The following ZPBP variants were observed in gnomAD, a reference collection of about 807,000 sequenced individuals.
ZPBP encodes zona pellucida-binding protein 1.
A neutral mutation model predicts 44.8 loss-of-function variants in ZPBP; 26 were observed. The observed-to-expected ratio is 0.58, with a 90% confidence interval of 0.43 to 0.81. The LOEUF (loss-of-function observed/expected upper bound fraction) is 0.81. ZPBP is among the 30% of genes least tolerant of loss of function. The probability of loss-of-function intolerance (pLI) is 0.00; values close to 1 mark genes in which losing one functional copy is unlikely to be tolerated. For missense variants in ZPBP, 409 were observed against 434.0 expected, an observed-to-expected ratio of 0.94 and a Z score of 0.51; for synonymous variants, 174 against 153.2, an observed-to-expected ratio of 1.14 and a Z score of -1.00.
Position 50,089,635 on chromosome 7 carries a change from A to C in ZPBP, c.202T>G (p.Phe68Val). 1.2e-6 allele frequency: 2 copies of C among 1,607,696 alleles called. No homozygotes were observed. Among genetic ancestry groups the C allele is most frequent in the Non-Finnish European group, 1.7e-6 (2 of 1,176,206 alleles). Reference protein sequence around the residue: ...DSVKIVGSTSFPVKAYVMLHQ... With the variant: ...DSVKIVGSTSVPVKAYVMLHQ... ...AAAATATATTTATGAATACCTGGAA[A>C]ACTTGTTGATCCCACTATTTTCACT... The change falls in exon 2 of 8, where the codon TTT (phenylalanine) becomes GTT (valine). Residue 68 changes from phenylalanine to valine, a missense_variant. Transcript: ENST00000046087.
rs533539941 is a variant in ZPBP, at chr7:49,854,934, G to A, written n.510-4420C>T. ...TAACTTGCCCAATGCCATGCACCCTGGTCCAGGGTAGAGGGGCTGACAAAT... is the reference window on the plus strand; with the variant it reads ...TAACTTGCCCAATGCCATGCACCCTAGTCCAGGGTAGAGGGGCTGACAAAT... On this transcript the variant is annotated intron_variant and non_coding_transcript_variant, in intron 2 of 2. Transcript: ENST00000465922. Among the ~76,000 whole-genome samples the A allele has an allele frequency of 9.2e-5, 14 of 152,324 alleles. No homozygotes were observed. In the South Asian group the frequency reaches 1.4e-3, roughly 16 times the overall value.
intron 2 of ZPBP, among the ~76,000 whole-genome samples, chr7:49,851,474 T>G (rs1005887696): frequency 7.2e-5 from 11 of 152,136 alleles, no homozygotes; most frequent in Non-Finnish European, 1.2e-4. Flanking sequence ...TAGCGCAATG[T>G]TATATTGAAA....
At chr7:50,088,566 A>G in intron 2 of ZPBP, among the ~76,000 whole-genome samples, 1 of 152,128 alleles carries the variant, frequency 6.6e-6, no homozygotes, top group African/African-American at 2.4e-5. Flanking sequence ...ATTCAACAAC[A>G]AAAAGAAAAC....
intron 6 of ZPBP, among the ~76,000 whole-genome samples, chr7:49,990,097 C>T (rs1303785387): frequency 3.3e-5 from 5 of 152,174 alleles, no homozygotes; most frequent in Admixed American, 2.6e-4. Context: ...GGAAAGAAAA[C>T]TGGATCTAAG....
At chr7:50,058,645 A>C (rs1381076949) in intron 3 of ZPBP, among the ~76,000 whole-genome samples, 1 of 152,188 alleles carries the variant, frequency 6.6e-6, no homozygotes, top group African/African-American at 2.4e-5. Context: ...CATGATGAAA[A>C]GCAAAATTTG....
chr7:49,978,973 A>C (rs1025415229), intron 7 of ZPBP, among the ~76,000 whole-genome samples: 23 of 152,122 alleles, frequency 1.5e-4, no homozygotes, highest in African/African-American at 5.3e-4. Flanking sequence ...GATAATTATA[A>C]ATTAAAATGT....
At chr7:49,987,729 TGTG>T (rs1339349075) in intron 6 of ZPBP, among the ~76,000 whole-genome samples, 2 of 606 alleles carry the variant, frequency 3.3e-3, no homozygotes, top group African/African-American at 8.8e-3. Flanking sequence ...ATATATGTGT[TGTG>T]TGTGTGTGTG....
chr7:49,870,353 T>C (rs1353100695), intron 2 of ZPBP, among the ~76,000 whole-genome samples: 2 of 152,044 alleles, frequency 1.3e-5, no homozygotes, highest in Admixed American at 6.5e-5. Context: ...TGAGCGAAGA[T>C]TGCGCCACTG....
chr7:50,018,266 A>G lies in ZPBP; in HGVS notation c.757T>C (p.Cys253Arg). 6.2e-7 allele frequency: 1 copy of G among 1,610,916 alleles called. No individual in the cohort carries two copies. The highest frequency in any genetic ancestry group is 8.5e-7 in the Non-Finnish European group (1 of 1,178,858). ...KGPKRCTDHN[C>R]EPYKRLFKAK... ...TTAAAAAGTCTTTTGTAAGGTTCAC[A>G]GTTATGGTCTGTACATCGCTTGGGT... The change falls in exon 6 of 8, where the codon TGT becomes CGT. Residue 253 changes from cysteine to arginine, a missense_variant. Cys to Arg is a radical substitution (Grantham distance 180, BLOSUM62 -3). Around this residue, in one of 2 missense-constraint regions of ZPBP, gnomAD observed 367 missense variants for 363.1 expected, o/e 1.01. Coordinates refer to ENST00000046087, the MANE Select transcript of ZPBP (RefSeq NM_007009.3).
chr7:49,848,379 C>A (rs985124368), downstream of ZPBP, among the ~76,000 whole-genome samples: 1 of 152,170 alleles, frequency 6.6e-6, no homozygotes, highest in Admixed American at 6.5e-5. Flanking sequence ...AGGAAGCAGG[C>A]GACGCCCTGC....
intron 1 of ZPBP, among the ~76,000 whole-genome samples, chr7:49,901,878 T>TTTGCTAACACTGTTAGCTAACACTG (rs1792752816): frequency 6.6e-6 from 1 of 151,892 alleles, no homozygotes; most frequent in Admixed American, 6.6e-5. Flanking sequence ...ATGAACACTG[T>TTTGCTAACACTGTTAGCTAACACTG]TTGCTAACAC....
chr7:49,977,703 A>G (rs1261331092), intron 7 of ZPBP, among the ~76,000 whole-genome samples: 1 of 152,190 alleles, frequency 6.6e-6, no homozygotes, highest in Non-Finnish European at 1.5e-5. Context: ...AAAGTTGTCT[A>G]ATTTATTATT....
chr7:49,882,536 C>CAG (rs973889003), intron 2 of ZPBP, among the ~76,000 whole-genome samples: 2 of 151,776 alleles, frequency 1.3e-5, no homozygotes, highest in African/African-American at 4.8e-5. Flanking sequence ...GAGGGACACA[C>CAG]AGAGAGAGAG....
chr7:50,089,497 C>T, intron 2 of ZPBP, 132 bp downstream of exon 2: 1 of 683,628 alleles, frequency 1.5e-6, no homozygotes, highest in Admixed American at 2.7e-5. Flanking sequence ...CAACTTTAAT[C>T]CACTTCTGTA....
At chr7:49,975,776 A>G (rs531496471) in intron 7 of ZPBP, among the ~76,000 whole-genome samples, 53 of 152,314 alleles carry the variant, frequency 3.5e-4, no homozygotes, top group Non-Finnish European at 5.6e-4. Context: ...CAAATGCTTC[A>G]TAAGAGTCAC....
chr7:49,876,865 G>A lies in ZPBP; in HGVS notation n.509+24253C>T, dbSNP rs141952467. ...TCATATCTAAAGAATATGACACAAC[G>A]CACCGAGATGACTTAAAACAAAGTC... On this transcript the variant is annotated intron_variant and non_coding_transcript_variant, in intron 2 of 2. Coordinates refer to the ZPBP transcript ENST00000465922. 8.6e-5 allele frequency among the ~76,000 whole-genome samples: 13 copies of A among 151,766 alleles called. No individual in the cohort carries two copies. In the East Asian group the frequency reaches 1.5e-3, roughly 18 times the overall value.
intron 6 of ZPBP, among the ~76,000 whole-genome samples, chr7:49,987,919 T>C (rs1316360649): frequency 6.6e-6 from 1 of 152,154 alleles, no homozygotes; most frequent in Admixed American, 6.5e-5. Flanking sequence ...TTAAAGACTA[T>C]TGGTAAAATG....
chr7:50,093,243 C>T lies in ZPBP; in HGVS notation c.-49G>A, dbSNP rs1803093155. 1 of 1,469,516 alleles carries T rather than the reference C, an allele frequency of 6.8e-7. No individual in the cohort carries two copies. Among genetic ancestry groups the T allele is most frequent in the South Asian group, 1.4e-5 (1 of 73,632 alleles). The allele number at this position is 1,469,516 out of a possible 1,614,324, so 91.0% of individuals were successfully genotyped here. A position where few individuals can be genotyped will look rare whatever the true frequency, so the allele number is the denominator to read the frequency against. ...ACCGTCCGCGCGGAAGGTCGTTAGG[C>T]AACGCGCGCCCACCTGCAGCCGGAA... On this transcript the variant is annotated 5_prime_UTR_variant, in exon 1 of 8. Coordinates refer to ENST00000046087, the MANE Select transcript of ZPBP (RefSeq NM_007009.3).
intron 7 of ZPBP, among the ~76,000 whole-genome samples, chr7:49,940,261 C>T (rs570188415): frequency 1.2e-4 from 18 of 151,930 alleles, no homozygotes; most frequent in South Asian, 6.2e-4. Flanking sequence ...CTTTTGTTAA[C>T]GACAGTCAAG....
Sources: gnomAD v4.1 joint callset for allele counts (sites outside exome capture counted in the v4.1 genomes callset) on GRCh38, gnomAD v4.1.1 for gene constraint, gnomAD v4.1.1 regional missense constraint, MANE v1.5 for transcripts, NCBI Gene and HGNC (gene_info 2026-07-23, HGNC 2026-07-21) for gene names.